The following PNPLA4 variants were observed in gnomAD, a reference collection of about 807,000 sequenced individuals.
PNPLA4 encodes patatin like domain 4, phospholipase and triacylglycerol lipase, also known as patatin-like phospholipase domain-containing protein 4.
Under a neutral mutation model 18.3 loss-of-function variants are expected in PNPLA4, and 15 were observed. The observed-to-expected ratio is 0.82, with a 90% CI of 0.55 to 1.26. The LOEUF (loss-of-function observed/expected upper bound fraction) is 1.26, where lower values mean the gene tolerates loss of function less well. Ranked by LOEUF, PNPLA4 falls within the 50% of genes most tolerant of loss-of-function variation. The pLI is 0.00. For synonymous variants in PNPLA4, 88 were observed against 85.6 expected (o/e 1.03, Z -0.16); for missense variants, 229 against 196.8 (o/e 1.16, Z -0.98).
intron 5 of PNPLA4, among the ~76,000 whole-genome samples, chrX:7,911,308 A>C (rs1403872991): frequency 8.9e-6 from 1 of 112,144 alleles, no homozygotes; most frequent in Non-Finnish European, 1.9e-5. Context: ...TGTGAAATAG[A>C]CACTATATTT....
At chrX:7,911,782 A>G (rs932699412) in intron 5 of PNPLA4, among the ~76,000 whole-genome samples, 2 of 111,140 alleles carry the variant, frequency 1.8e-5, no homozygotes, top group African/African-American at 6.5e-5. Context: ...ACTGCTAACA[A>G]CAACAGAATA....
rs1432489331 is a variant in PNPLA4, at chrX:7,898,642, CGTCAATGATCTTACAGTAT to C, written c.*2025_*2043del. 8 of 111,656 alleles carry C rather than the reference CGTCAATGATCTTACAGTAT, an allele frequency of 7.2e-5. No homozygotes were observed. Among genetic ancestry groups the C allele is most frequent in the African/African-American group, 2.6e-4 (8 of 30,666 alleles). The allele number at this position is 111,656 out of a possible 1,213,427, so 9.2% of individuals were successfully genotyped here. A position where few individuals can be genotyped will look rare whatever the true frequency, so the allele number is the denominator to read the frequency against. The stretch of plus-strand genomic sequence containing the variant: ...GTAGGAAAGTTGCTGCAGACTGATA[CGTCAATGATCTTACAGTAT>C]TTTTAAAGAAAAGTACCAACACCTG... On this transcript the variant is annotated 3_prime_UTR_variant, in exon 7 of 7. Coordinates refer to ENST00000381042, the MANE Select transcript of PNPLA4 (RefSeq NM_004650.3).
At chrX:7,901,117 T>C (rs1024679464) in intron 6 of PNPLA4, among the ~76,000 whole-genome samples, 1 of 111,590 alleles carries the variant, frequency 9.0e-6, no homozygotes, top group Admixed American at 9.5e-5. Context: ...CACTGGGACA[T>C]GATAACCAAA....
rs758796127 is a variant in PNPLA4 at position 7,912,008 on chromosome X, C to T, written c.477+20G>A. The T allele has an allele frequency of 4.5e-6, 5 of 1,122,050 alleles. No homozygotes were observed. In the South Asian group the frequency reaches 9.2e-5, roughly 21 times the overall value. 92.5% of individuals were successfully genotyped at this position (1,122,050 alleles called of 1,213,427 possible). A position where few individuals can be genotyped will look rare whatever the true frequency, so the allele number is the denominator to read the frequency against. ...ATTAATATAGGGAGGAGGGTAATTC[C>T]TCAGTTATAACAAGCTTACCTGCCC... On this transcript the variant is annotated intron_variant, in intron 5 of 6. Coordinates refer to ENST00000381042, the MANE Select transcript of PNPLA4 (RefSeq NM_004650.3).
At chrX:7,918,069 T>G (rs894000193) in intron 4 of PNPLA4, among the ~76,000 whole-genome samples, 17 of 111,994 alleles carry the variant, frequency 1.5e-4, no homozygotes, top group African/African-American at 5.5e-4. Context: ...TGTTTAGTAT[T>G]TCATGCTCTC....
rs1001011544 is a variant in PNPLA4, at chrX:7,898,865, G to C, written c.*1821C>G. 1 of 111,690 alleles carries C rather than the reference G, an allele frequency of 9.0e-6. No homozygotes were observed. The highest frequency in any genetic ancestry group is 9.5e-5 in the Admixed American group (1 of 10,545). 9.2% of individuals were successfully genotyped at this position (111,690 alleles called of 1,213,427 possible). Reference sequence around the variant, plus strand: ...AAAAAAGTCTTATACAATGAGATTTGGTTTTGCAGCTTAAATTTCTTCAAT... The same window carrying C: ...AAAAAAGTCTTATACAATGAGATTTCGTTTTGCAGCTTAAATTTCTTCAAT... On this transcript the variant is annotated 3_prime_UTR_variant, in exon 7 of 7. Transcript: ENST00000381042.
chrX:7,918,972 T>C (rs1047322096), intron 4 of PNPLA4, among the ~76,000 whole-genome samples: 3 of 112,394 alleles, frequency 2.7e-5, no homozygotes, highest in Non-Finnish European at 3.8e-5. Flanking sequence ...CTATTCATCC[T>C]TCCTTTTTAG....
chrX:7,923,160 G>A (rs967801996), intron 2 of PNPLA4, among the ~76,000 whole-genome samples: 2 of 112,185 alleles, frequency 1.8e-5, no homozygotes, highest in African/African-American at 6.5e-5. Context: ...CTGTGACTAG[G>A]AGACCTTCTA....
Position 7,904,003 on chromosome X carries a change from C to CAA in PNPLA4, c.478-1864_478-1863dup, listed in dbSNP as rs113055738. 7.6e-4 allele frequency among the ~76,000 whole-genome samples: 80 copies of CAA among 105,428 alleles called. 1 individual carries two copies. The Middle Eastern group carries it at 0.015, about 20-fold the overall frequency. 91.6% of individuals were successfully genotyped at this position (105,428 alleles called of 115,157 possible). ...CTGTATGATCTAAAAGGGAGGTTTG[C>CAA]AAAAAAAAAGGCTCCAAAATATCTG... On this transcript the variant is annotated intron_variant, in intron 5 of 6. Transcript: ENST00000381042.
At chrX:7,924,715 G>T (rs1024297075) in intron 2 of PNPLA4, among the ~76,000 whole-genome samples, 18 of 112,387 alleles carry the variant, frequency 1.6e-4, no homozygotes, top group Non-Finnish European at 3.4e-4. Flanking sequence ...TAACATGGCA[G>T]AATTTTAGTT....
At chrX:7,905,578 C>A (rs1260027025) in intron 5 of PNPLA4, among the ~76,000 whole-genome samples, 1 of 112,403 alleles carries the variant, frequency 8.9e-6, no homozygotes, top group Admixed American at 9.4e-5. Flanking sequence ...ATAAAAAATA[C>A]TTTGCTGGAA....
At chrX:7,912,707 G>A (rs1923915532) in intron 4 of PNPLA4, among the ~76,000 whole-genome samples, 2 of 112,239 alleles carry the variant, frequency 1.8e-5, no homozygotes, top group Admixed American at 9.5e-5. Flanking sequence ...ATGGGAAGTT[G>A]GGCTCTGATA....
At chrX:7,909,859 T>C (rs1441473857) in intron 5 of PNPLA4, among the ~76,000 whole-genome samples, 4 of 111,534 alleles carry the variant, frequency 3.6e-5, no homozygotes, top group African/African-American at 9.8e-5. Flanking sequence ...CACACCTAAC[T>C]GCAAGGGAAG....
chrX:7,919,592 T>C (rs1238520367), intron 4 of PNPLA4, among the ~76,000 whole-genome samples: 6 of 112,456 alleles, frequency 5.3e-5, no homozygotes, highest in African/African-American at 1.9e-4. Flanking sequence ...TTGGATAATA[T>C]GGGATCATCC....
chrX:7,915,201 C>T (rs1924001928), intron 4 of PNPLA4, among the ~76,000 whole-genome samples: 1 of 108,296 alleles, frequency 9.2e-6, no homozygotes, highest in African/African-American at 3.4e-5. Flanking sequence ...TGAAATTCAC[C>T]TCGCCAATGA....
In PNPLA4 at chrX:7,925,969, C is replaced by A. The variant is rs1225172325; in HGVS notation, c.151G>T (p.Val51Phe). Residue 51 changes from valine to phenylalanine, a missense_variant, in exon 2 of 7, where the codon GTT (valine) becomes TTT (phenylalanine). Transcript: ENST00000381042. ...ATTTTTTCTGGTGCTGTTAGCAGAACAGAAGCAACCAACGATCCCGCAGAC... is the reference window on the plus strand; with the variant it reads ...ATTTTTTCTGGTGCTGTTAGCAGAAAAGAAGCAACCAACGATCCCGCAGAC... ...GASAGSLVAS[V>F]LLTAPEKIEE... 1 of 1,211,368 alleles carries A rather than the reference C, an allele frequency of 8.3e-7. No homozygotes were observed. The highest frequency in any genetic ancestry group is 1.1e-6 in the Non-Finnish European group (1 of 895,211).
At chrX:7,912,800 T>C (rs1437152688) in intron 4 of PNPLA4, among the ~76,000 whole-genome samples, 2 of 112,375 alleles carry the variant, frequency 1.8e-5, no homozygotes, top group African/African-American at 6.5e-5. Flanking sequence ...CAGCATTAGA[T>C]ACTGAATATT....
At chrX:7,903,050 A>G (rs921898738) in intron 5 of PNPLA4, among the ~76,000 whole-genome samples, 9 of 111,931 alleles carry the variant, frequency 8.0e-5, no homozygotes, top group Non-Finnish European at 1.3e-4. Context: ...AAAAAAACAA[A>G]AAGTCTGGTA....
intron 4 of PNPLA4, among the ~76,000 whole-genome samples, chrX:7,916,975 G>A (rs1179820747): frequency 8.9e-6 from 1 of 112,155 alleles, no homozygotes; most frequent in East Asian, 2.8e-4. Flanking sequence ...AAAGGAGGAG[G>A]GGAATGGTTG....
Sources: gnomAD v4.1 joint callset for allele counts (sites outside exome capture counted in the v4.1 genomes callset) on GRCh38, gnomAD v4.1.1 for gene constraint, MANE v1.5 for transcripts, NCBI Gene and HGNC (gene_info 2026-07-23, HGNC 2026-07-21) for gene names.